Variants in POLR2F observed in about 807,000 individuals in gnomAD.
POLR2F encodes the protein DNA-directed RNA polymerases I, II, and III subunit RPABC2.
Under a neutral mutation model 22.7 loss-of-function variants are expected in POLR2F, and 12 were observed. That is an observed-to-expected ratio of 0.53 (90% confidence interval 0.34 to 0.86). POLR2F has a LOEUF of 0.86. Ranked by LOEUF, POLR2F falls within the 40% of genes least tolerant of loss-of-function variation. The pLI, the probability that POLR2F is intolerant of heterozygous loss-of-function variation, is 0.02. For synonymous variants in POLR2F, 57 were observed against 66.0 expected (o/e 0.86, Z 0.66); for missense variants, 126 against 171.5 (o/e 0.73, Z 1.48).
rs1179689029 is a variant in POLR2F at position 37,953,735 on chromosome 22, G to A, written c.-53G>A. 6.3e-7 allele frequency: 1 copy of A among 1,591,120 alleles called. No individual in the cohort carries two copies. Among genetic ancestry groups the A allele is most frequent in the Non-Finnish European group, 8.5e-7 (1 of 1,172,922 alleles). On this transcript the variant is annotated 5_prime_UTR_variant, in exon 1 of 5. Transcript: ENST00000442738. The stretch of plus-strand genomic sequence containing the variant: ...CGCGCGAGTCGTAGTGTCGCTGTTT[G>A]CGGGTCTCCGCGCGGGACCGGGGCG...
chr22:38,041,463 C>T (rs899764958), downstream of POLR2F: 8 of 280,136 alleles, frequency 2.9e-5, no homozygotes, highest in South Asian at 1.9e-4. Flanking sequence ...GGCTTGTGGG[C>T]GGTGGAAAAG....
chr22:38,024,585 G>A (rs982130512), intron 1 of POLR2F, among the ~76,000 whole-genome samples: 1 of 152,106 alleles, frequency 6.6e-6, no homozygotes, highest in Admixed American at 6.6e-5. Flanking sequence ...AGGAGGGCAG[G>A]GGCAGGGACA....
chr22:37,987,169 G>A (rs1427874902), intron 1 of POLR2F: 1 of 456,726 alleles, frequency 2.2e-6, no homozygotes, highest in Non-Finnish European at 4.4e-6. Flanking sequence ...TTATTCTGCA[G>A]CAGAGAGGGG....
intron 1 of POLR2F, among the ~76,000 whole-genome samples, chr22:37,992,519 C>T (rs1932748114): frequency 6.6e-6 from 1 of 152,062 alleles, no homozygotes; most frequent in South Asian, 2.1e-4. Flanking sequence ...CTCAGCCTCC[C>T]GACTAGCTGG....
downstream of POLR2F, chr22:37,972,108 AAG>A (rs1432302771): frequency 4.6e-5 from 11 of 239,154 alleles, no homozygotes; most frequent in East Asian, 3.0e-4. Flanking sequence ...GAGAGAGAGA[AAG>A]AGAGGAGAGA....
chr22:38,003,172 ACT>A (rs768447614), intron 1 of POLR2F, among the ~76,000 whole-genome samples: 58 of 151,918 alleles, frequency 3.8e-4, no homozygotes, highest in Non-Finnish European at 7.2e-4. Flanking sequence ...GGTTAGGGTA[ACT>A]CTAGAAAGTT....
chr22:38,025,052 C>T (rs1003631946), intron 1 of POLR2F, among the ~76,000 whole-genome samples: 6 of 152,122 alleles, frequency 3.9e-5, no homozygotes, highest in Admixed American at 2.6e-4. Flanking sequence ...CCTTTCTTGG[C>T]GTTTCCGGGC....
chr22:37,968,063 C>T lies in POLR2F; in HGVS notation c.*348C>T, dbSNP rs914172772. Reference sequence around the variant, plus strand: ...TTTGTGCCCAGGGAGCTGGTTGCCACGGAAACCCCCAATTTCCTTTCCAGT... The same window carrying T: ...TTTGTGCCCAGGGAGCTGGTTGCCATGGAAACCCCCAATTTCCTTTCCAGT... On this transcript the variant is annotated 3_prime_UTR_variant, in exon 5 of 5. Coordinates refer to ENST00000442738, the MANE Select transcript of POLR2F (RefSeq NM_021974.5). The T allele has an allele frequency of 1.7e-5, 17 of 1,010,164 alleles. No individual in the cohort carries two copies. Among genetic ancestry groups the T allele is most frequent in the Admixed American group, 1.1e-4 (2 of 18,438 alleles). The allele number at this position is 1,010,164 out of a possible 1,614,324, so 62.6% of individuals were successfully genotyped here. A position where few individuals can be genotyped will look rare whatever the true frequency, so the allele number is the denominator to read the frequency against.
downstream of POLR2F, among the ~76,000 whole-genome samples, chr22:38,030,834 C>T (rs772240318): frequency 6.6e-6 from 1 of 152,076 alleles, no homozygotes; most frequent in Non-Finnish European, 1.5e-5. Flanking sequence ...GTCAGTGGTT[C>T]CCCGGGGATC....
chr22:37,991,662 T>C (rs1227226123), intron 1 of POLR2F, among the ~76,000 whole-genome samples: 1 of 152,214 alleles, frequency 6.6e-6, no homozygotes, highest in Non-Finnish European at 1.5e-5. Flanking sequence ...GGAGGCACCA[T>C]GGCCCCTGAG....
Position 37,986,519 on chromosome 22 carries a change from T to C in POLR2F, c.120+207T>C, listed in dbSNP as rs1347305169. ...TCCCTGCTTCCTCCTTTGCCCTCCT[T>C]GGTCCAGCTGTGCCAGGATGGGGGT... is the stretch of plus-strand genomic sequence containing the variant. On this transcript the variant is annotated intron_variant, in intron 1 of 2. Transcript: ENST00000333418. The surrounding 1 kb of genome is among the most constrained non-coding windows in gnomAD (Gnocchi z 4.7). The C allele has an allele frequency of 1.6e-6, 2 of 1,217,728 alleles. No homozygotes were observed. Among genetic ancestry groups the C allele is most frequent in the South Asian group, 1.3e-5 (1 of 77,044 alleles). 75.4% of individuals were successfully genotyped at this position (1,217,728 alleles called of 1,614,324 possible).
rs373588646 is a variant in POLR2F, at chr22:38,036,916, C to T, written c.453-4152C>T. On this transcript the variant is annotated intron_variant, in intron 5 of 5. Coordinates refer to the POLR2F transcript ENST00000407936. The stretch of plus-strand genomic sequence containing the variant: ...CTGGAACATTCTTTCCCCAGACATC[C>T]TTCCTCTCTTCTTTCAGATCTTTGT... Among the ~76,000 whole-genome samples, 61 of 152,244 alleles carry T rather than the reference C, an allele frequency of 4.0e-4. 1 individual carries two copies. In the South Asian group the frequency reaches 0.012, roughly 30 times the overall value.
chr22:38,036,396 C>T (rs867028519), intron 5 of POLR2F, among the ~76,000 whole-genome samples: 4 of 151,772 alleles, frequency 2.6e-5, no homozygotes, highest in Non-Finnish European at 2.9e-5. Flanking sequence ...AGGCTTCCTT[C>T]TGTGCAACCA....
At chr22:37,991,946 G>T (rs925026956) in intron 1 of POLR2F, among the ~76,000 whole-genome samples, 3 of 152,196 alleles carry the variant, frequency 2.0e-5, no homozygotes, top group African/African-American at 7.2e-5. Context: ...GCAGATGAAG[G>T]GCTTGCATGG....
At chr22:37,994,040 A>G (rs2084687412) in intron 1 of POLR2F, among the ~76,000 whole-genome samples, 1 of 152,228 alleles carries the variant, frequency 6.6e-6, no homozygotes, top group Admixed American at 6.5e-5. Context: ...GACAAAAACA[A>G]GACCTAGTAG....
chr22:37,980,701 C>T lies in POLR2F; in HGVS notation c.293+13531C>T, dbSNP rs1194780063. 6.6e-6 allele frequency among the ~76,000 whole-genome samples: 1 copy of T among 152,250 alleles called. No individual in the cohort carries two copies. Among genetic ancestry groups the T allele is most frequent in the East Asian group, 1.9e-4 (1 of 5,204 alleles). On this transcript the variant is annotated intron_variant, in intron 4 of 4. Transcript: ENST00000405557. This position sits in a 1 kb window ranked among gnomAD's most constrained non-coding sequence, Gnocchi z 4.1. The stretch of plus-strand genomic sequence containing the variant: ...TAACTCCAAACCCAGTCCTCATCTG[C>T]ACCTTCCTGTCAGCCCTCTTTCTCC...
downstream of POLR2F, chr22:37,972,171 A>T: frequency 1.2e-6 from 1 of 852,256 alleles, no homozygotes; most frequent in Non-Finnish European, 1.7e-6. Flanking sequence ...GTGGGGAAAG[A>T]GGGAGGGAGG....
intron 1 of POLR2F, among the ~76,000 whole-genome samples, chr22:38,020,997 T>C (rs952921481): frequency 6.6e-6 from 1 of 152,236 alleles, no homozygotes; most frequent in African/African-American, 2.4e-5. Context: ...CGGTTACTCC[T>C]GTCCCTTTGC....
chr22:37,972,142 GA>G (rs1180015768), downstream of POLR2F: 15 of 422,630 alleles, frequency 3.5e-5, no homozygotes, highest in South Asian at 2.1e-4. Context: ...AGAGAGAGAG[GA>G]GGGGGGAGGG....
Sources: allele counts gnomAD v4.1 joint callset (sites outside exome capture counted in the v4.1 genomes callset), GRCh38; gene constraint gnomAD v4.1.1; non-coding constraint Gnocchi (gnomAD v3.1); transcripts MANE v1.5; gene names NCBI Gene and HGNC (gene_info 2026-07-23, HGNC 2026-07-21).